The following NKAIN3 variants were observed in gnomAD, a reference collection of about 807,000 sequenced individuals.
NKAIN3 encodes the protein sodium/potassium transporting ATPase interacting 3, also known as sodium/potassium-transporting ATPase subunit beta-1-interacting protein 3.
A neutral mutation model predicts 30.2 loss-of-function variants in NKAIN3; 25 were observed. The ratio of observed to expected loss-of-function variants is 0.83; its 90% CI spans 0.60 to 1.16. The LOEUF is 1.16. Among genes scored for constraint, NKAIN3 ranks in the 50% most tolerant of loss-of-function variants. The pLI is 0.00. For synonymous variants in NKAIN3, 91 were observed against 89.6 expected (o/e 1.02, Z -0.09); for missense variants, 225 against 254.1 (o/e 0.89, Z 0.78).
intron 1 of NKAIN3, among the ~76,000 whole-genome samples, chr8:62,338,380 A>G (rs1036739958): frequency 3.9e-5 from 6 of 152,032 alleles, no homozygotes; most frequent in Non-Finnish European, 5.9e-5. Flanking sequence ...TTAGTTTTGA[A>G]ATGCAACAGT....
chr8:62,570,355 T>A (rs974331432), intron 1 of NKAIN3, among the ~76,000 whole-genome samples: 4 of 152,220 alleles, frequency 2.6e-5, no homozygotes, highest in African/African-American at 9.6e-5. Flanking sequence ...ACATGAAGCA[T>A]TATTCATCAT....
At chr8:62,356,122 A>G (rs1417531578) in intron 1 of NKAIN3, among the ~76,000 whole-genome samples, 1 of 152,182 alleles carries the variant, frequency 6.6e-6, no homozygotes, top group Non-Finnish European at 1.5e-5. Context: ...CATCTCAACT[A>G]GAATTAGCTT....
At chr8:62,428,090 C>A (rs958090500) in intron 1 of NKAIN3, among the ~76,000 whole-genome samples, 7 of 151,756 alleles carry the variant, frequency 4.6e-5, no homozygotes, top group African/African-American at 1.5e-4. Flanking sequence ...TGAGAAAATG[C>A]AATATTTGTC....
chr8:62,510,499 G>A (rs192616722), intron 1 of NKAIN3, among the ~76,000 whole-genome samples: 2 of 152,188 alleles, frequency 1.3e-5, no homozygotes, highest in African/African-American at 2.4e-5. Flanking sequence ...CCATCTCTAG[G>A]TCAATCGCTG....
intron 1 of NKAIN3, among the ~76,000 whole-genome samples, chr8:62,361,020 A>G (rs1424215436): frequency 6.6e-6 from 1 of 151,450 alleles, no homozygotes; most frequent in Non-Finnish European, 1.5e-5. Flanking sequence ...TAAAAAAAAA[A>G]AAAAAAAAAA....
intron 4 of NKAIN3, among the ~76,000 whole-genome samples, chr8:62,870,173 C>T (rs1464006878): frequency 2.9e-5 from 2 of 69,636 alleles, no homozygotes; most frequent in African/African-American, 1.2e-4. Flanking sequence ...GCCTTATAAT[C>T]CTGTGAGCCA....
intron 1 of NKAIN3, among the ~76,000 whole-genome samples, chr8:62,340,070 A>G (rs774443310): frequency 1.3e-5 from 2 of 152,142 alleles, no homozygotes; most frequent in Non-Finnish European, 2.9e-5. Context: ...AGAAAAGAGT[A>G]TAACAAATTT....
chr8:62,850,647 G>A (rs1045213396), intron 4 of NKAIN3, among the ~76,000 whole-genome samples: 3 of 146,060 alleles, frequency 2.1e-5, no homozygotes, highest in African/African-American at 7.4e-5. Flanking sequence ...GTGTAAGGAA[G>A]GGATCCAGTT....
intron 3 of NKAIN3, among the ~76,000 whole-genome samples, chr8:62,666,082 T>A (rs1380562006): frequency 1.3e-5 from 2 of 151,946 alleles, no homozygotes; most frequent in East Asian, 3.9e-4. Flanking sequence ...GGCGTGGTGG[T>A]GGGCGCCTGT....
At position 62,759,130 on chromosome 8, in the gene NKAIN3, A is replaced by G. The variant is rs1420970331; in HGVS notation, c.471+12001A>G. Among the ~76,000 whole-genome samples the G allele has an allele frequency of 5.3e-5, 8 of 152,164 alleles. No individual in the cohort carries two copies. The East Asian group carries it at 1.5e-3, about 29-fold the overall frequency. The stretch of plus-strand genomic sequence containing the variant: ...CTCTTAACCATAAAACAATAACCAC[A>G]TCAAAATTATTGTCTGAATTTTAGT... On this transcript the variant is annotated intron_variant, in intron 4 of 6. Transcript: ENST00000623646.
intron 3 of NKAIN3, among the ~76,000 whole-genome samples, chr8:62,611,114 T>G (rs7812978): frequency 6.6e-6 from 1 of 151,928 alleles, no homozygotes; most frequent in African/African-American, 2.4e-5. Flanking sequence ...TTTTGAAATT[T>G]AGAGTCAATT....
At chr8:62,625,799 C>A (rs748359534) in intron 3 of NKAIN3, among the ~76,000 whole-genome samples, 1 of 151,986 alleles carries the variant, frequency 6.6e-6, no homozygotes, top group Non-Finnish European at 1.5e-5. Context: ...TGTTGGGATT[C>A]TTTTTGAGCC....
At chr8:62,569,492 C>T (rs889456006) in intron 1 of NKAIN3, among the ~76,000 whole-genome samples, 1 of 152,026 alleles carries the variant, frequency 6.6e-6, no homozygotes, top group African/African-American at 2.4e-5. Flanking sequence ...AAGACTACTT[C>T]AGGCTGGGCA....
intron 4 of NKAIN3, among the ~76,000 whole-genome samples, chr8:62,803,259 G>T (rs1273596894): frequency 6.6e-5 from 10 of 152,036 alleles, no homozygotes; most frequent in Middle Eastern, 3.4e-3. Flanking sequence ...CTGCACCAAG[G>T]GGACCTAATA....
At chr8:62,760,211 A>G (rs1816604507) in intron 4 of NKAIN3, among the ~76,000 whole-genome samples, 2 of 152,202 alleles carry the variant, frequency 1.3e-5, no homozygotes, top group Admixed American at 1.3e-4. Flanking sequence ...TGTGGAAGTC[A>G]GTGTGGCGAT....
At chr8:62,251,223 T>C (rs1346837016) in intron 1 of NKAIN3, among the ~76,000 whole-genome samples, 1 of 151,958 alleles carries the variant, frequency 6.6e-6, no homozygotes, top group African/African-American at 2.4e-5. Flanking sequence ...TAATCAAGAG[T>C]TTTTGGATGG....
chr8:62,414,039 A>G (rs1031362482), intron 1 of NKAIN3, among the ~76,000 whole-genome samples: 2 of 152,180 alleles, frequency 1.3e-5, no homozygotes, highest in South Asian at 2.1e-4. Flanking sequence ...GTAAATGTTG[A>G]TAAAGCTTGG....
At position 62,836,169 on chromosome 8, in the gene NKAIN3, C is replaced by G. The variant is rs1171901666; in HGVS notation, c.472-82284C>G. ...GACATAAATATGGAAACAGTAAACA[C>G]TAACGGAATACCAGAGAGGTGATCA... On this transcript the variant is annotated intron_variant, in intron 4 of 6. Coordinates refer to ENST00000623646, the MANE Select transcript of NKAIN3 (RefSeq NM_001304533.3). Among the ~76,000 whole-genome samples, 3 of 152,106 alleles carry G rather than the reference C, an allele frequency of 2.0e-5. No individual in the cohort carries two copies. In the East Asian group the frequency reaches 5.8e-4, roughly 30 times the overall value.
chr8:62,708,239 CT>C (rs1473934555), intron 3 of NKAIN3, among the ~76,000 whole-genome samples: 1 of 151,890 alleles, frequency 6.6e-6, no homozygotes, highest in African/African-American at 2.4e-5. Flanking sequence ...AAGTTTAGAA[CT>C]GTTTTATCTA....
Sources: allele counts gnomAD v4.1 joint callset (sites outside exome capture counted in the v4.1 genomes callset), GRCh38; gene constraint gnomAD v4.1.1; transcripts MANE v1.5; gene names NCBI Gene and HGNC (gene_info 2026-07-23, HGNC 2026-07-21).